The following RBFOX1 variants were observed in gnomAD, a reference collection of about 807,000 sequenced individuals.
RBFOX1 encodes the protein RNA binding protein fox-1 homolog 1.
A neutral mutation model predicts 57.7 loss-of-function variants in RBFOX1; 8 were observed. That is an observed-to-expected ratio of 0.14 (90% CI 0.08 to 0.25). RBFOX1 has a LOEUF of 0.25. RBFOX1 is among the 10% of genes least tolerant of loss of function. The pLI is 1.00. For synonymous variants in RBFOX1, 326 were observed against 222.4 expected (o/e 1.47, Z -4.15); for missense variants, 611 against 548.5 (o/e 1.11, Z -1.14).
chr16:5,750,139 C>A (rs1300640672), intron 3 of RBFOX1, among the ~76,000 whole-genome samples: 2 of 152,080 alleles, frequency 1.3e-5, no homozygotes, highest in Middle Eastern at 3.2e-3. Context: ...CATTCCAGAC[C>A]CTGTTTGCCT....
intron 5 of RBFOX1, among the ~76,000 whole-genome samples, chr16:7,552,164 C>T (rs1414233539): frequency 1.3e-5 from 2 of 152,126 alleles, no homozygotes; most frequent in South Asian, 2.1e-4. Flanking sequence ...TCCAGTTATC[C>T]TTCCTTCATC....
At chr16:5,811,396 G>C (rs948244785) in intron 3 of RBFOX1, among the ~76,000 whole-genome samples, 11 of 151,756 alleles carry the variant, frequency 7.2e-5, no homozygotes, top group African/African-American at 1.2e-4. Flanking sequence ...GCCTGCCTCG[G>C]CCTCTCAAAG....
At position 5,332,108 on chromosome 16, in the gene RBFOX1, T is replaced by G. The variant is rs545232761; in HGVS notation, c.219+92003T>G. Among the ~76,000 whole-genome samples the G allele has an allele frequency of 1.8e-3, 270 of 152,330 alleles. 2 individuals are homozygous for G. The highest frequency in any genetic ancestry group is 2.7e-3 in the Non-Finnish European group (182 of 68,030). ...GGTTTCTTGTTTTCCTTCTTATGTC[T>G]TAGACTCTGGCAAATCTTCTCTACC... On this transcript the variant is annotated intron_variant, in intron 1 of 2. Coordinates refer to the RBFOX1 transcript ENST00000585867.
At chr16:5,393,907 C>T (rs994582323) in intron 1 of RBFOX1, among the ~76,000 whole-genome samples, 9 of 152,226 alleles carry the variant, frequency 5.9e-5, no homozygotes, top group African/African-American at 1.9e-4. Flanking sequence ...TGTGATCTTT[C>T]TTCTGCCTTC....
chr16:5,851,170 G>A (rs540939911), intron 3 of RBFOX1, among the ~76,000 whole-genome samples: 11 of 152,254 alleles, frequency 7.2e-5, no homozygotes, highest in East Asian at 1.9e-4. Context: ...ACCCTATGAC[G>A]GTAGTAACTC....
chr16:7,235,004 G>A (rs2093698229), intron 4 of RBFOX1, among the ~76,000 whole-genome samples: 1 of 152,092 alleles, frequency 6.6e-6, no homozygotes, highest in Admixed American at 6.5e-5. Flanking sequence ...AAAACGGAAT[G>A]TCTAACGATT....
At chr16:7,194,793 T>C (rs2086275711) in intron 4 of RBFOX1, among the ~76,000 whole-genome samples, 1 of 151,972 alleles carries the variant, frequency 6.6e-6, no homozygotes, top group African/African-American at 2.4e-5. Flanking sequence ...CTGGACGTGG[T>C]GGTGCATGCC....
At chr16:5,706,909 C>A (rs911734706) in intron 3 of RBFOX1, among the ~76,000 whole-genome samples, 8 of 151,966 alleles carry the variant, frequency 5.3e-5, no homozygotes, top group African/African-American at 1.9e-4. Flanking sequence ...TAGCCTAAGC[C>A]CACTCTGTAG....
chr16:7,032,520 A>G (rs950346675), intron 3 of RBFOX1, among the ~76,000 whole-genome samples: 10 of 152,158 alleles, frequency 6.6e-5, no homozygotes, highest in African/African-American at 2.4e-4. Flanking sequence ...ACCTATGGTC[A>G]TGAGCAAATT....
chr16:5,335,559 G>A (rs1194038918), intron 1 of RBFOX1, among the ~76,000 whole-genome samples: 2 of 152,170 alleles, frequency 1.3e-5, no homozygotes, highest in Non-Finnish European at 1.5e-5. Flanking sequence ...TGGGGGATTA[G>A]GGGACTTTGA....
intron 3 of RBFOX1, among the ~76,000 whole-genome samples, chr16:6,911,939 A>T (rs1330171041): frequency 1.3e-5 from 2 of 152,200 alleles, no homozygotes; most frequent in Non-Finnish European, 2.9e-5. Context: ...TTTGGGCAAT[A>T]CTTGGTTCAC....
intron 4 of RBFOX1, among the ~76,000 whole-genome samples, chr16:7,443,822 A>T (rs1247202724): frequency 7.9e-5 from 12 of 152,182 alleles, no homozygotes; most frequent in Admixed American, 7.9e-4. Flanking sequence ...AGACAGATGA[A>T]CTATTTTAAG....
At chr16:7,497,174 T>C (rs1220543962) in intron 4 of RBFOX1, among the ~76,000 whole-genome samples, 1 of 152,214 alleles carries the variant, frequency 6.6e-6, no homozygotes, top group East Asian at 1.9e-4. Context: ...AAATACAAAC[T>C]ACTTTATGTG....
At chr16:6,885,518 CATTTT>C (rs2063811303) in intron 3 of RBFOX1, among the ~76,000 whole-genome samples, 1 of 149,848 alleles carries the variant, frequency 6.7e-6, no homozygotes, top group Non-Finnish European at 1.5e-5. Flanking sequence ...TCTACTTCTG[CATTTT>C]ATTTTTTTAT....
intron 4 of RBFOX1, among the ~76,000 whole-genome samples, chr16:5,937,696 A>T (rs922740533): frequency 2.0e-5 from 3 of 149,678 alleles, no homozygotes; most frequent in Non-Finnish European, 4.4e-5. Context: ...TTACATATTT[A>T]TATGTAAGTA....
intron 3 of RBFOX1, among the ~76,000 whole-genome samples, chr16:6,669,831 T>G (rs2098753131): frequency 2.0e-5 from 3 of 152,154 alleles, no homozygotes; most frequent in Admixed American, 1.3e-4. Context: ...AAGCAAATGC[T>G]CACCATGAGC....
chr16:5,435,184 G>A (rs578261071), intron 1 of RBFOX1, among the ~76,000 whole-genome samples: 8 of 152,286 alleles, frequency 5.3e-5, no homozygotes, highest in South Asian at 2.1e-4. Context: ...CCCTGTTTAC[G>A]CTCTTGGTGC....
At chr16:7,274,483 G>A (rs570437012) in intron 4 of RBFOX1, among the ~76,000 whole-genome samples, 1 of 152,130 alleles carries the variant, frequency 6.6e-6, no homozygotes, top group Admixed American at 6.6e-5. Flanking sequence ...TTCTTAGCTT[G>A]GAGAATACAT....
intron 3 of RBFOX1, among the ~76,000 whole-genome samples, chr16:5,679,012 T>A (rs1474507838): frequency 1.3e-5 from 2 of 152,232 alleles, no homozygotes; most frequent in Non-Finnish European, 2.9e-5. Flanking sequence ...CAAAATGGGA[T>A]AATTGAACTG....
Sources: allele counts gnomAD v4.1 joint callset (sites outside exome capture counted in the v4.1 genomes callset), GRCh38; gene constraint gnomAD v4.1.1; transcripts MANE v1.5; gene names NCBI Gene and HGNC (gene_info 2026-07-23, HGNC 2026-07-21).